Variants in VAV3 observed in about 807,000 individuals in gnomAD.
The protein encoded by VAV3 is guanine nucleotide exchange factor VAV3.
VAV3 carries 94 observed loss-of-function variants against 131.2 expected under a neutral mutation model. The ratio of observed to expected loss-of-function variants is 0.72; its 90% CI spans 0.61 to 0.85. VAV3 has a LOEUF of 0.85. Among genes scored for constraint, VAV3 ranks in the 40% least tolerant of loss-of-function variants. VAV3 has a pLI of 0.00. For missense variants in VAV3, 939 were observed against 1,002.7 expected (o/e 0.94, Z 0.86); for synonymous variants, 349 against 342.0 (o/e 1.02, Z -0.22).
chr1:107,879,003 TA>T (rs1301029353), intron 1 of VAV3, among the ~76,000 whole-genome samples: 1 of 152,200 alleles, frequency 6.6e-6, no homozygotes, highest in Non-Finnish European at 1.5e-5. Flanking sequence ...CCTTTTTTTC[TA>T]TTTTTGTAAT....
At chr1:107,828,368 G>A (rs1668105061) in intron 2 of VAV3, among the ~76,000 whole-genome samples, 1 of 152,110 alleles carries the variant, frequency 6.6e-6, no homozygotes. Context: ...CTAACATAGT[G>A]AGTATATTAG....
intron 22 of VAV3, among the ~76,000 whole-genome samples, chr1:107,606,958 C>CT (rs11392912): frequency 0.63 from 90,953 of 143,880 alleles, 29,041 homozygotes; most frequent in African/African-American, 0.71. Context: ...GGAGTCTGAT[C>CT]TTTTTTTTTT....
chr1:107,589,731 T>A (rs1421979304), intron 25 of VAV3, among the ~76,000 whole-genome samples: 1 of 151,966 alleles, frequency 6.6e-6, no homozygotes, highest in Non-Finnish European at 1.5e-5. Context: ...GAGGATACAA[T>A]AAAATCAGAA....
intron 1 of VAV3, among the ~76,000 whole-genome samples, chr1:107,917,274 T>A (rs1424279406): frequency 1.3e-5 from 2 of 152,094 alleles, no homozygotes; most frequent in Non-Finnish European, 2.9e-5. Context: ...AAGCCCCTCA[T>A]GACACACTGG....
chr1:107,804,966 GT>G (rs111529064), intron 2 of VAV3, among the ~76,000 whole-genome samples: 20 of 146,374 alleles, frequency 1.4e-4, no homozygotes, highest in African/African-American at 3.5e-4. Flanking sequence ...TGGGGGTTGG[GT>G]TTTTTTTTTG....
At chr1:107,782,157 T>C (rs1001736332) in intron 2 of VAV3, among the ~76,000 whole-genome samples, 1 of 152,076 alleles carries the variant, frequency 6.6e-6, no homozygotes, top group Non-Finnish European at 1.5e-5. Flanking sequence ...ACAAGAAAAA[T>C]AGCAATAGCA....
chr1:107,660,716 C>T (rs1188945710), intron 19 of VAV3, among the ~76,000 whole-genome samples: 1 of 152,044 alleles, frequency 6.6e-6, no homozygotes, highest in Non-Finnish European at 1.5e-5. Context: ...AAAAACACAC[C>T]CAATGCTTAT....
At chr1:107,891,504 T>C (rs1671309577) in intron 1 of VAV3, among the ~76,000 whole-genome samples, 1 of 141,424 alleles carries the variant, frequency 7.1e-6, no homozygotes, top group Admixed American at 7.0e-5. Flanking sequence ...CATCAAGAAC[T>C]GTGTGACTAG....
At chr1:107,670,308 GC>G (rs1657693327) in intron 19 of VAV3, among the ~76,000 whole-genome samples, 1 of 152,136 alleles carries the variant, frequency 6.6e-6, no homozygotes, top group Admixed American at 6.5e-5. Flanking sequence ...AGGTAACAAA[GC>G]CAAGAATCTG....
intron 2 of VAV3, among the ~76,000 whole-genome samples, chr1:107,851,542 A>G (rs1217614369): frequency 1.3e-5 from 2 of 152,228 alleles, no homozygotes; most frequent in Non-Finnish European, 2.9e-5. Context: ...AGATTTTCAT[A>G]TTTATTTGCA....
At chr1:107,637,861 A>G (rs780293378) in intron 20 of VAV3, among the ~76,000 whole-genome samples, 34 of 152,234 alleles carry the variant, frequency 2.2e-4, no homozygotes, top group Non-Finnish European at 4.3e-4. Context: ...ATATATAAAA[A>G]AGATAATATA....
chr1:107,628,286 A>G (rs12085985), intron 20 of VAV3, among the ~76,000 whole-genome samples: 58,057 of 152,058 alleles, frequency 0.38, 11,569 homozygotes, highest in East Asian at 0.48. Context: ...AAAAAAAAGC[A>G]AGTCACCTGG....
At chr1:107,878,619 C>T (rs1021458673) in intron 1 of VAV3, among the ~76,000 whole-genome samples, 2 of 152,178 alleles carry the variant, frequency 1.3e-5, no homozygotes, top group African/African-American at 4.8e-5. Context: ...TTAAACAGTT[C>T]TGATAAAAGT....
At chr1:107,752,524 C>T (rs1374112364) in intron 12 of VAV3, among the ~76,000 whole-genome samples, 1 of 152,106 alleles carries the variant, frequency 6.6e-6, no homozygotes. Context: ...AGCCAACAGA[C>T]ACAAGAAAAG....
At chr1:107,611,251 C>A (rs1441413637) in intron 21 of VAV3, among the ~76,000 whole-genome samples, 1 of 152,140 alleles carries the variant, frequency 6.6e-6, no homozygotes, top group East Asian at 1.9e-4. Context: ...GAGGAATACT[C>A]AAACTGTATC....
chr1:107,812,081 T>G (rs150543167), intron 2 of VAV3, among the ~76,000 whole-genome samples: 4 of 152,222 alleles, frequency 2.6e-5, no homozygotes, highest in African/African-American at 9.6e-5. Flanking sequence ...CTTAGAAAAT[T>G]TAGGCTTAAA....
intron 24 of VAV3, among the ~76,000 whole-genome samples, chr1:107,597,943 C>T (rs1053894171): frequency 6.6e-6 from 1 of 152,188 alleles, no homozygotes; most frequent in Non-Finnish European, 1.5e-5. Flanking sequence ...CCCATTGAAG[C>T]TCAAATATCA....
intron 1 of VAV3, among the ~76,000 whole-genome samples, chr1:107,924,111 T>C (rs1184658146): frequency 6.6e-6 from 1 of 152,156 alleles, no homozygotes; most frequent in Non-Finnish European, 1.5e-5. Flanking sequence ...AATTCCATAT[T>C]CTGGAGAAGG....
intron 15 of VAV3, among the ~76,000 whole-genome samples, chr1:107,727,158 C>G (rs751707797): frequency 3.5e-4 from 53 of 152,218 alleles, no homozygotes; most frequent in Non-Finnish European, 2.5e-4. Context: ...AGTTTTCAAA[C>G]CCCTCTTCAA....
Sources: gnomAD v4.1 joint callset for allele counts (sites outside exome capture counted in the v4.1 genomes callset) on GRCh38, gnomAD v4.1.1 for gene constraint, MANE v1.5 for transcripts, NCBI Gene and HGNC (gene_info 2026-07-23, HGNC 2026-07-21) for gene names.